CABYR: variants seen among roughly 807,000 people sequenced by gnomAD.
The protein encoded by CABYR is calcium binding tyrosine phosphorylation regulated, also known as calcium-binding tyrosine phosphorylation-regulated protein.
Under a neutral mutation model 36.1 loss-of-function variants are expected in CABYR, and 31 were observed. The ratio of observed to expected loss-of-function variants is 0.86; its 90% CI spans 0.64 to 1.16. CABYR has a LOEUF of 1.16. CABYR is among the 50% of genes most tolerant of loss of function. The probability of loss-of-function intolerance (pLI) is 0.00; values close to 1 mark genes in which losing one functional copy is unlikely to be tolerated. For synonymous variants in CABYR, 146 were observed against 160.7 expected, an observed-to-expected ratio of 0.91 and a Z score of 0.69; for missense variants, 429 against 455.8, an observed-to-expected ratio of 0.94 and a Z score of 0.53.
intron 1 of CABYR, 111 bp downstream of exon 1, chr18:24,139,229 T>G (rs2145844561): frequency 2.3e-5 from 3 of 131,116 alleles, no homozygotes; most frequent in African/African-American, 8.6e-5. Flanking sequence ...GTCCTCAGAG[T>G]CGGGGGTGGG....
At chr18:24,161,204 C>T (rs762147157) in intron 5 of CABYR, among the ~76,000 whole-genome samples, 26 of 152,058 alleles carry the variant, frequency 1.7e-4, no homozygotes, top group Non-Finnish European at 3.1e-4. Flanking sequence ...TCTGAGAGAT[C>T]GACAAAAGCT....
At chr18:24,155,124 T>C (rs1024643620) in intron 3 of CABYR, among the ~76,000 whole-genome samples, 1 of 152,250 alleles carries the variant, frequency 6.6e-6, no homozygotes, top group African/African-American at 2.4e-5. Context: ...TAAATTACTA[T>C]ACCAACAAAG....
At chr18:24,142,803 C>A (rs995782642) in intron 1 of CABYR, among the ~76,000 whole-genome samples, 1 of 151,810 alleles carries the variant, frequency 6.6e-6, no homozygotes, top group Non-Finnish European at 1.5e-5. Context: ...GAGGCCGAGG[C>A]GGGCAGATCA....
chr18:24,156,599 A>C (rs767433884), intron 4 of CABYR: 2 of 1,614,226 alleles, frequency 1.2e-6, no homozygotes, highest in East Asian at 4.5e-5. Flanking sequence ...TAAAACTTGC[A>C]CAGTTGGAGG....
In CABYR at chr18:24,156,417, G is replaced by A. The variant is rs768964889; in HGVS notation, c.541+375G>A. 1.9e-6 allele frequency: 3 copies of A among 1,614,210 alleles called. No homozygotes were observed. In the Admixed American group the frequency reaches 5.0e-5, roughly 27 times the overall value. ...TAACGATGTGCCTGTGACTGAAGGA[G>A]TTGTTTATATCGAGCAACTGCCAGA... On this transcript the variant is annotated intron_variant, in intron 4 of 5. Transcript: ENST00000399496.
At chr18:24,144,203 G>A (rs1301230392) in intron 3 of CABYR, among the ~76,000 whole-genome samples, 1 of 152,114 alleles carries the variant, frequency 6.6e-6, no homozygotes, top group African/African-American at 2.4e-5. Context: ...CAACTGCTGT[G>A]TATGGTTATT....
chr18:24,157,073 G>A (rs1191987953), intron 4 of CABYR: 9 of 1,131,500 alleles, frequency 8.0e-6, no homozygotes, highest in Admixed American at 4.7e-5. Flanking sequence ...CATCTCTGTC[G>A]GCTCCCTGCA....
At chr18:24,143,754 T>G (rs761144238) in intron 3 of CABYR, among the ~76,000 whole-genome samples, 1 of 152,136 alleles carries the variant, frequency 6.6e-6, no homozygotes, top group African/African-American at 2.4e-5. Flanking sequence ...CAGGCTAGAC[T>G]TGAACTCCTG....
chr18:24,160,511 CAGT>C (rs574764416), intron 5 of CABYR, among the ~76,000 whole-genome samples: 76 of 152,302 alleles, frequency 5.0e-4, no homozygotes, highest in African/African-American at 1.8e-3. Context: ...TGGTAAGAGG[CAGT>C]AGATGGAGAG....
intron 3 of CABYR, among the ~76,000 whole-genome samples, chr18:24,149,928 C>T (rs1186130914): frequency 1.3e-5 from 2 of 152,232 alleles, no homozygotes; most frequent in African/African-American, 4.8e-5. Flanking sequence ...TTCCCGCTGG[C>T]GCCTCTCCCT....
At chr18:24,142,469 A>G (rs916283106) in intron 1 of CABYR, among the ~76,000 whole-genome samples, 2 of 152,240 alleles carry the variant, frequency 1.3e-5, no homozygotes, top group African/African-American at 2.4e-5. Context: ...TTAGAAACAG[A>G]TACATGAAAT....
chr18:24,153,444 G>A (rs769868321), intron 3 of CABYR, among the ~76,000 whole-genome samples: 21 of 152,144 alleles, frequency 1.4e-4, no homozygotes, highest in South Asian at 6.2e-4. Flanking sequence ...AATTCTCCTT[G>A]GGTCTGGAGT....
intron 1 of CABYR, among the ~76,000 whole-genome samples, 153 bp downstream of exon 1, chr18:24,139,271 G>GGAGT (rs1220755511): frequency 6.6e-6 from 1 of 152,146 alleles, no homozygotes; most frequent in Non-Finnish European, 1.5e-5. Context: ...CCCACACCGG[G>GGAGT]GAGTGCGGCG....
At position 24,160,026 on chromosome 18, in the gene CABYR, G is replaced by A. The variant is rs749937882; in HGVS notation, c.1096G>A (p.Val366Met). ...GSYGIAGEVT[V>M]TTAHKRRKAE... ...TTACGGTATTGCTGGGGAGGTAACC[G>A]TGACTACTGCTCACAAACGTCGCAA... The change falls in exon 5 of 6, where the codon GTG becomes ATG. Residue 366 changes from valine to methionine, a missense_variant. By Grantham distance (21) the Val-to-Met change is conservative. Transcript: ENST00000399496. 2.0e-5 allele frequency: 33 copies of A among 1,613,904 alleles called. No individual in the cohort carries two copies. The highest frequency in any genetic ancestry group is 1.2e-4 in the African/African-American group (9 of 74,884).
intron 1 of CABYR, 94 bp from the exon 2 acceptor site, chr18:24,142,997 C>T (rs1439754119): frequency 1.6e-5 from 14 of 873,248 alleles, no homozygotes; most frequent in Admixed American, 1.1e-4. Flanking sequence ...CACGCCACTG[C>T]ACTCCAGCCT....
chr18:24,159,843 T>TA lies in CABYR; in HGVS notation c.914dup (p.Tyr305Ter), dbSNP rs1279189245. The TA allele has an allele frequency of 6.2e-7, 1 of 1,614,144 alleles. No individual in the cohort carries two copies. The highest frequency in any genetic ancestry group is 1.1e-5 in the South Asian group (1 of 91,078). ...CATTGCTGTTCCTGCAGATGAGAAATACCAGAAACATACCCTAAGTCCCCA... is the reference window on the plus strand; with the variant it reads ...CATTGCTGTTCCTGCAGATGAGAAATAACCAGAAACATACCCTAAGTCCCCA... ...VPIAVPADEK[Y>*]QKHTLSPQNA... The change falls in exon 5 of 6, where the codon TAC becomes TAAC. Residue 305 changes from tyrosine to a stop codon, truncating the protein, a stop_gained and frameshift_variant. Transcript: ENST00000399496. LOFTEE classifies it high-confidence loss of function.
chr18:24,161,576 T>TATCA lies in CABYR; in HGVS notation c.*63_*66dup. On this transcript the variant is annotated 3_prime_UTR_variant, in exon 6 of 6. Coordinates refer to ENST00000399496, the MANE Select transcript of CABYR (RefSeq NM_153769.3). ...GGAGGAGTCTGCCACCAGTGTAATG[T>TATCA]ATCAATAAACTTCATGCAAGCATAC... 1 of 777,806 alleles carries TATCA rather than the reference T, an allele frequency of 1.3e-6. No homozygotes were observed. Among genetic ancestry groups the TATCA allele is most frequent in the East Asian group, 2.4e-5 (1 of 41,196 alleles). The allele number at this position is 777,806 out of a possible 1,614,324, so 48.2% of individuals were successfully genotyped here.
chr18:24,140,822 C>A (rs2085303340), intron 1 of CABYR, among the ~76,000 whole-genome samples: 1 of 152,092 alleles, frequency 6.6e-6, no homozygotes, highest in Non-Finnish European at 1.5e-5. Flanking sequence ...TCACTTACTT[C>A]ATTTAACATA....
chr18:24,154,234 T>C (rs947369247), intron 3 of CABYR, among the ~76,000 whole-genome samples: 2 of 152,120 alleles, frequency 1.3e-5, no homozygotes, highest in African/African-American at 4.8e-5. Context: ...ATGTAAGCTA[T>C]ATTGAGGTCT....
Sources: allele counts gnomAD v4.1 joint callset (sites outside exome capture counted in the v4.1 genomes callset), GRCh38; gene constraint gnomAD v4.1.1; transcripts MANE v1.5; gene names NCBI Gene and HGNC (gene_info 2026-07-23, HGNC 2026-07-21).